Variants in SMN2 observed in about 807,000 individuals in gnomAD.
SMN2 encodes the protein survival of motor neuron 2, centromeric.
Under a neutral mutation model 2.8 loss-of-function variants are expected in SMN2, and 1 was observed. The observed-to-expected ratio is 0.35, with a 90% confidence interval of 0.13 to 1.68. SMN2 has a LOEUF of 1.68. SMN2 is among the 40% of genes most tolerant of loss of function. The pLI is 0.35. For missense variants in SMN2, 12 were observed against 16.9 expected (o/e 0.71, Z 0.51); for synonymous variants, 5 against 5.0 (o/e 0.99, Z 0.01).
At chr5:70,085,217 GT>G in the SMN2 span, among the ~76,000 whole-genome samples, 1 of 119,690 alleles carries the variant, frequency 8.4e-6, no homozygotes. Context: ...TTGAGTGGGA[GT>G]TAGATGATGA....
At chr5:70,079,445 A>C (rs1396422865), downstream of SMN2, among the ~76,000 whole-genome samples, 6 of 149,804 alleles carry the variant, frequency 4.0e-5, no homozygotes, top group Non-Finnish European at 8.9e-5. Context: ...AAAAAAAAAA[A>C]AAAAAACACG....
chr5:70,074,510 G>T (rs1356125775), intron 7 of SMN2, among the ~76,000 whole-genome samples: 1 of 104,814 alleles, frequency 9.5e-6, no homozygotes, highest in East Asian at 2.6e-4. Context: ...GGGCGTGGTG[G>T]TGCATGCCTG....
downstream of SMN2, among the ~76,000 whole-genome samples, chr5:70,079,812 C>G (rs1774830389): frequency 1.7e-5 from 1 of 57,642 alleles, no homozygotes; most frequent in Non-Finnish European, 2.8e-5. Flanking sequence ...AACTCTGCTT[C>G]TGTACACTTT....
At chr5:70,084,777 G>T in the SMN2 span, among the ~76,000 whole-genome samples, 1 of 136,080 alleles carries the variant, frequency 7.3e-6, no homozygotes, top group African/African-American at 3.1e-5. Context: ...CAGAGTTTTT[G>T]CTTATAAAAT....
At chr5:70,075,548 C>T (rs1774724309) in intron 7 of SMN2, among the ~76,000 whole-genome samples, 1 of 123,766 alleles carries the variant, frequency 8.1e-6, no homozygotes, top group Non-Finnish European at 1.7e-5. Flanking sequence ...GGGATTTCTC[C>T]ATGTTGGTCA....
chr5:70,085,328 T>G, the SMN2 span, among the ~76,000 whole-genome samples: 1 of 131,804 alleles, frequency 7.6e-6, no homozygotes, highest in Non-Finnish European at 1.6e-5. Flanking sequence ...TGCAACCTCC[T>G]CCTCCCGGGT....
intron 1 of SMN2, among the ~76,000 whole-genome samples, chr5:70,052,132 A>C (rs1166387035): frequency 6.0e-5 from 7 of 116,650 alleles, no homozygotes; most frequent in Non-Finnish European, 1.2e-4. Flanking sequence ...TGGAGGTTGC[A>C]GTGAGCCGAG....
chr5:70,084,976 T>G, the SMN2 span, among the ~76,000 whole-genome samples: 1 of 138,244 alleles, frequency 7.2e-6, no homozygotes, highest in Non-Finnish European at 1.5e-5. Flanking sequence ...GTGCTCAGTT[T>G]TTTGTGTAGC....
At chr5:70,075,977 C>T (rs1372790613) in intron 7 of SMN2, among the ~76,000 whole-genome samples, 1 of 126,288 alleles carries the variant, frequency 7.9e-6, no homozygotes, top group Non-Finnish European at 1.6e-5. Context: ...CCTCAACCTC[C>T]CAAGTAGCTG....
intron 1 of SMN2, among the ~76,000 whole-genome samples, chr5:70,052,073 C>T (rs1359360152): frequency 8.4e-5 from 4 of 47,740 alleles, no homozygotes; most frequent in Non-Finnish European, 1.8e-4. Context: ...TGCCTGTAAT[C>T]CCAGCTACTC....
At chr5:70,075,044 T>C (rs1435412695) in intron 7 of SMN2, among the ~76,000 whole-genome samples, 1 of 123,432 alleles carries the variant, frequency 8.1e-6, no homozygotes, top group Non-Finnish European at 1.7e-5. Context: ...TTATTTATTT[T>C]TTAAGATGGA....
chr5:70,071,519 T>TA (rs1393864859), intron 7 of SMN2: 36 of 91,254 alleles, frequency 3.9e-4, no homozygotes, highest in African/African-American at 3.2e-3. Flanking sequence ...TTATTTTATT[T>TA]TTTTTTTTTT....
At chr5:70,076,455 C>G in intron 7 of SMN2, 66 bp from the exon 8 acceptor site, 16 of 1,015,698 alleles carry the variant, frequency 1.6e-5, no homozygotes, top group Non-Finnish European at 2.1e-5. Flanking sequence ...CCATATAAAG[C>G]TATCTATATA....
the SMN2 span, among the ~76,000 whole-genome samples, chr5:70,084,617 G>C: frequency 1.1e-3 from 155 of 137,138 alleles, 20 homozygotes; most frequent in East Asian, 0.029. Flanking sequence ...TTGAATCTTT[G>C]TCAATTGAAT....
Position 70,076,514 on chromosome 5 carries a change from C to T in SMN2, c.835-7C>T, listed in dbSNP as rs1212635906. ...ATTTTTTTTAACTTCCTTTATTTTC[C>T]TTACAGGGTTTTAGACAAAATCAAA... On this transcript the variant is annotated splice_region_variant and splice_polypyrimidine_tract_variant and intron_variant, in intron 7 of 8. Transcript: ENST00000380743. 1.4e-5 allele frequency: 20 copies of T among 1,454,376 alleles called. 4 individuals carry two copies. Among genetic ancestry groups the T allele is most frequent in the Non-Finnish European group, 1.9e-5 (20 of 1,070,944 alleles). The allele number at this position is 1,454,376 out of a possible 1,614,324, so 90.1% of individuals were successfully genotyped here. A position where few individuals can be genotyped will look rare whatever the true frequency, so the allele number is the denominator to read the frequency against.
At chr5:70,081,753 A>C (rs991598994), downstream of SMN2, among the ~76,000 whole-genome samples, 1 of 30,414 alleles carries the variant, frequency 3.3e-5, no homozygotes, top group African/African-American at 2.1e-4. Context: ...CAGCTTAAGG[A>C]GATTTTGGGC....
chr5:70,074,977 A>T (rs1774700584), intron 7 of SMN2, among the ~76,000 whole-genome samples: 1 of 127,294 alleles, frequency 7.9e-6, no homozygotes, highest in Non-Finnish European at 1.7e-5. Context: ...GGGCAACAAG[A>T]GCGAAACTCC....
downstream of SMN2, among the ~76,000 whole-genome samples, chr5:70,079,445 A>AAAT (rs1774821701): frequency 6.7e-6 from 1 of 149,804 alleles, no homozygotes; most frequent in African/African-American, 2.5e-5. Context: ...AAAAAAAAAA[A>AAAT]AAAAAACACG....
downstream of SMN2, among the ~76,000 whole-genome samples, chr5:70,079,432 A>AAAAG (rs1491235706): frequency 3.1e-4 from 2 of 6,356 alleles, no homozygotes; most frequent in African/African-American, 1.7e-3. Context: ...ACTCCGTCTC[A>AAAAG]AAAAAAAAAA....
Sources: gnomAD v4.1 joint callset for allele counts (sites outside exome capture counted in the v4.1 genomes callset) on GRCh38, gnomAD v4.1.1 for gene constraint, MANE v1.5 for transcripts, NCBI Gene and HGNC (gene_info 2026-07-23, HGNC 2026-07-21) for gene names.